The following ARMC2 variants were observed in gnomAD, a reference collection of about 807,000 sequenced individuals.
ARMC2 encodes armadillo repeat-containing protein 2.
Under a neutral mutation model 90.3 loss-of-function variants are expected in ARMC2, and 67 were observed. That is an observed-to-expected ratio of 0.74 (90% CI 0.61 to 0.91). The LOEUF is 0.91. Ranked by LOEUF, ARMC2 falls within the 40% of genes least tolerant of loss-of-function variation. The pLI is 0.00. For missense variants in ARMC2, 920 were observed against 1,030.9 expected (o/e 0.89, Z 1.47); for synonymous variants, 393 against 393.0 (o/e 1.00, Z 0.00).
intron 5 of ARMC2, among the ~76,000 whole-genome samples, chr6:108,889,879 A>T (rs1056385098): frequency 6.6e-6 from 1 of 151,764 alleles, no homozygotes; most frequent in Non-Finnish European, 1.5e-5. Flanking sequence ...ACTCTATTGG[A>T]CTTTTCCATT....
At chr6:108,917,791 G>A (rs1039292923) in intron 10 of ARMC2, among the ~76,000 whole-genome samples, 1 of 152,124 alleles carries the variant, frequency 6.6e-6, no homozygotes, top group Non-Finnish European at 1.5e-5. Context: ...GGGATTACAG[G>A]TGTGTGCCAC....
At chr6:108,886,152 G>A (rs771440503) in intron 5 of ARMC2, among the ~76,000 whole-genome samples, 2 of 150,838 alleles carry the variant, frequency 1.3e-5, no homozygotes, top group Non-Finnish European at 2.9e-5. Flanking sequence ...ATTTCCTTAC[G>A]TCATTTTTTC....
In ARMC2 at chr6:108,961,627, C is replaced by T; in HGVS notation, c.1971C>T (p.Ile657=). 1 of 1,612,164 alleles carries T rather than the reference C, an allele frequency of 6.2e-7. No homozygotes were observed. The highest frequency in any genetic ancestry group is 1.1e-5 in the South Asian group (1 of 90,890). ...TGGTGATCAATGCTACAGCGACAAT[C>T]AACAATTTATCTTACTACCAAGTGA... ...EELVINATAT[I]NNLSYYQVKN... The change falls in exon 14 of 18, where the codon ATC becomes ATT. Residue 657 remains isoleucine (I), a synonymous_variant. Transcript: ENST00000392644.
chr6:108,961,466 T>C (rs1777992957), intron 13 of ARMC2, 106 bp from the exon 14 acceptor site: 4 of 1,290,498 alleles, frequency 3.1e-6, no homozygotes, highest in South Asian at 3.0e-5. Context: ...GTAGGGACCC[T>C]GCGTGATCGC....
chr6:109,008,514 G>A, the ARMC2 span, among the ~76,000 whole-genome samples: 1 of 152,124 alleles, frequency 6.6e-6, no homozygotes, highest in African/African-American at 2.4e-5. Flanking sequence ...AATATACATA[G>A]TATACTGATA....
At chr6:108,873,021 A>G (rs1776579773) in intron 4 of ARMC2, among the ~76,000 whole-genome samples, 1 of 152,178 alleles carries the variant, frequency 6.6e-6, no homozygotes, top group Admixed American at 6.5e-5. Context: ...TCTTTTGGGA[A>G]CACAATTTGG....
the ARMC2 span, among the ~76,000 whole-genome samples, chr6:109,020,568 T>C: frequency 6.6e-6 from 1 of 152,148 alleles, no homozygotes; most frequent in South Asian, 2.1e-4. Context: ...CTGAACAAAT[T>C]GCACAGTGCA....
At chr6:108,983,002 G>T in the ARMC2 span, among the ~76,000 whole-genome samples, 30 of 151,728 alleles carry the variant, frequency 2.0e-4, no homozygotes. Flanking sequence ...TTTTTGTGTA[G>T]AGACGGGGGT....
chr6:108,927,549 A>AT (rs142531258), intron 10 of ARMC2, among the ~76,000 whole-genome samples: 34,533 of 150,476 alleles, frequency 0.23, 4,440 homozygotes, highest in African/African-American at 0.34. Context: ...GCTTTCCTGA[A>AT]TTTTTTTTTT....
intron 4 of ARMC2, among the ~76,000 whole-genome samples, chr6:108,869,911 A>T (rs1163269384): frequency 2.6e-5 from 4 of 152,218 alleles, no homozygotes; most frequent in African/African-American, 9.7e-5. Context: ...CAGCATTTTT[A>T]AAAAATGAAG....
chr6:108,858,009 A>G (rs1185343142), intron 2 of ARMC2, among the ~76,000 whole-genome samples, 190 bp from the exon 3 acceptor site: 2 of 152,144 alleles, frequency 1.3e-5, no homozygotes, highest in Admixed American at 6.5e-5. Flanking sequence ...GTATTTTTTA[A>G]ACTTCCTAAA....
In ARMC2 at chr6:108,854,337, A is replaced by C; in HGVS notation, c.70A>C (p.Lys24Gln). Residue 24 changes from lysine (K) to glutamine (Q), a missense_variant, in exon 2 of 18, where the codon AAG becomes CAG. Lys to Gln is a moderately conservative substitution (Grantham distance 53, BLOSUM62 1). Transcript: ENST00000392644. The part of the protein sequence containing the change: ...PFYQPSVSKQ[K>Q]TSAEIISEAR... ...TTATCAACCTTCAGTGTCCAAGCAG[A>C]AGACCAGTGCAGAAATCATAAGTGA... The C allele has an allele frequency of 6.2e-7, 1 of 1,612,890 alleles. No homozygotes were observed. Among genetic ancestry groups the C allele is most frequent in the South Asian group, 1.1e-5 (1 of 91,036 alleles).
At chr6:108,954,883 A>G (rs1345066440) in intron 13 of ARMC2, among the ~76,000 whole-genome samples, 1 of 152,210 alleles carries the variant, frequency 6.6e-6, no homozygotes, top group Non-Finnish European at 1.5e-5. Flanking sequence ...AACAACAGAC[A>G]TGTATTTTCT....
chr6:108,949,689 A>G (rs1777044297), intron 12 of ARMC2, among the ~76,000 whole-genome samples: 1 of 152,244 alleles, frequency 6.6e-6, no homozygotes, highest in Non-Finnish European at 1.5e-5. Flanking sequence ...CTCAGAGCCC[A>G]GGGCAGGGCC....
chr6:108,875,228 G>C (rs993331993), intron 4 of ARMC2, among the ~76,000 whole-genome samples: 1 of 152,098 alleles, frequency 6.6e-6, no homozygotes, highest in Non-Finnish European at 1.5e-5. Context: ...CTGCAGTCAT[G>C]AGCAAAAAGG....
chr6:109,009,904 C>T, the ARMC2 span, among the ~76,000 whole-genome samples: 4 of 152,054 alleles, frequency 2.6e-5, no homozygotes, highest in Non-Finnish European at 5.9e-5. Context: ...AAACAGCAGC[C>T]AACCTCGAGA....
At chr6:109,033,682 T>C in the ARMC2 span, among the ~76,000 whole-genome samples, 1 of 152,196 alleles carries the variant, frequency 6.6e-6, no homozygotes, top group African/African-American at 2.4e-5. Context: ...CCATAATTCA[T>C]AGGACAGTTC....
the ARMC2 span, among the ~76,000 whole-genome samples, chr6:108,987,866 G>A: frequency 4.1e-5 from 6 of 147,732 alleles, no homozygotes; most frequent in Admixed American, 1.4e-4. Flanking sequence ...GCAGTGGCAC[G>A]ATCTTGGCTC....
the ARMC2 span, among the ~76,000 whole-genome samples, chr6:108,997,003 T>A: frequency 6.9e-6 from 1 of 145,790 alleles, no homozygotes; most frequent in Non-Finnish European, 1.5e-5. Context: ...ATGGAGAGAG[T>A]AAAGAAATGA....
Sources: gnomAD v4.1 joint callset for allele counts (sites outside exome capture counted in the v4.1 genomes callset) on GRCh38, gnomAD v4.1.1 for gene constraint, MANE v1.5 for transcripts, NCBI Gene and HGNC (gene_info 2026-07-23, HGNC 2026-07-21) for gene names.